Variants in INTS9 observed in about 807,000 individuals in gnomAD.
INTS9 encodes the protein integrator complex subunit 9.
INTS9 carries 55 observed loss-of-function variants against 79.7 expected under a neutral mutation model. The ratio of observed to expected loss-of-function variants is 0.69; its 90% CI spans 0.56 to 0.86. The LOEUF (loss-of-function observed/expected upper bound fraction) is 0.86. Among genes scored for constraint, INTS9 ranks in the 40% least tolerant of loss-of-function variants. The probability of loss-of-function intolerance (pLI) is 0.00; values close to 1 mark genes in which losing one functional copy is unlikely to be tolerated. For synonymous variants in INTS9, 319 were observed against 325.2 expected, an observed-to-expected ratio of 0.98 and a Z score of 0.20; for missense variants, 721 against 831.5, an observed-to-expected ratio of 0.87 and a Z score of 1.64.
In INTS9 at chr8:28,780,877, C is replaced by T; in HGVS notation, c.1216G>A (p.Val406Ile). 1 of 1,614,154 alleles carries T rather than the reference C, an allele frequency of 6.2e-7. No homozygotes were observed. Among genetic ancestry groups the T allele is most frequent in the Non-Finnish European group, 8.5e-7 (1 of 1,180,030 alleles). Residue 406 changes from valine to isoleucine, a missense_variant, in exon 12 of 17, where the codon GTC becomes ATC. Val to Ile is a conservative substitution (Grantham distance 29). Coordinates refer to ENST00000521022, the MANE Select transcript of INTS9 (RefSeq NM_018250.4). ...GHPSLRFGDVVHFMELWGKSS... is the reference protein window; with the variant it reads ...GHPSLRFGDVIHFMELWGKSS... ...TTTCCCCAGAGCTCCATGAAGTGGA[C>T]CACGTCCCCGAAGCGGAGGGAAGGG... is the stretch of plus-strand genomic sequence containing the variant.
chr8:28,853,770 CTT>C (rs533321032), intron 2 of INTS9, among the ~76,000 whole-genome samples: 1 of 145,742 alleles, frequency 6.9e-6, no homozygotes, highest in Non-Finnish European at 1.5e-5. Flanking sequence ...TACGTAATTT[CTT>C]TTTTTTTTTG....
At chr8:28,834,545 G>C (rs188926478) in intron 6 of INTS9, among the ~76,000 whole-genome samples, 406 of 152,140 alleles carry the variant, frequency 2.7e-3, no homozygotes, top group African/African-American at 9.5e-3. Context: ...CTCAACCTCT[G>C]CTATAGGAAC....
intron 6 of INTS9, among the ~76,000 whole-genome samples, chr8:28,827,828 T>G (rs1257149618): frequency 6.6e-6 from 1 of 152,210 alleles, no homozygotes; most frequent in African/African-American, 2.4e-5. Context: ...ATTTGAGGTC[T>G]TAAGTGGACT....
At chr8:28,877,652 AG>A (rs1451682188) in intron 1 of INTS9, among the ~76,000 whole-genome samples, 2 of 152,220 alleles carry the variant, frequency 1.3e-5, no homozygotes, top group Admixed American at 6.5e-5. Flanking sequence ...GTTAATTGAT[AG>A]AAGTTTGGTT....
intron 4 of INTS9, among the ~76,000 whole-genome samples, chr8:28,842,066 C>CA (rs1186961009): frequency 6.6e-6 from 1 of 151,912 alleles, no homozygotes; most frequent in Non-Finnish European, 1.5e-5. Context: ...TCACGCTGGG[C>CA]AATAAAGTGA....
chr8:28,854,095 A>G (rs1475278721), intron 2 of INTS9, among the ~76,000 whole-genome samples: 3 of 152,004 alleles, frequency 2.0e-5, no homozygotes, highest in Non-Finnish European at 4.4e-5. Context: ...TTGTGTGATC[A>G]CAGTCCACCA....
intron 6 of INTS9, among the ~76,000 whole-genome samples, chr8:28,829,002 C>T (rs998896703): frequency 5.3e-5 from 8 of 151,980 alleles, no homozygotes; most frequent in African/African-American, 9.7e-5. Flanking sequence ...TTAAGTCTTC[C>T]GTAAGGTATG....
intron 14 of INTS9, among the ~76,000 whole-genome samples, chr8:28,773,246 A>AAGGTC (rs2130854777): frequency 6.6e-6 from 1 of 152,090 alleles, no homozygotes; most frequent in East Asian, 1.9e-4. Flanking sequence ...GGTGGATCAC[A>AAGGTC]AGGTCAGGAG....
At chr8:28,779,865 G>T (rs1433622896) in intron 12 of INTS9, among the ~76,000 whole-genome samples, 1 of 152,070 alleles carries the variant, frequency 6.6e-6, no homozygotes, top group African/African-American at 2.4e-5. Context: ...TGGATTCCCA[G>T]CTCCTAAAGC....
At chr8:28,811,565 C>T (rs1057124753) in intron 8 of INTS9, among the ~76,000 whole-genome samples, 1 of 152,096 alleles carries the variant, frequency 6.6e-6, no homozygotes, top group Non-Finnish European at 1.5e-5. Context: ...GGGACCACAG[C>T]GTGTGCCACC....
At chr8:28,838,100 G>A (rs935204509) in intron 4 of INTS9, among the ~76,000 whole-genome samples, 1 of 151,910 alleles carries the variant, frequency 6.6e-6, no homozygotes, top group African/African-American at 2.4e-5. Flanking sequence ...AGTGAAACCA[G>A]GAAACTGCAA....
intron 2 of INTS9, among the ~76,000 whole-genome samples, chr8:28,854,882 G>C (rs1315517206): frequency 6.6e-6 from 1 of 152,200 alleles, no homozygotes; most frequent in Non-Finnish European, 1.5e-5. Context: ...AGAACATACA[G>C]AATTTGGTTT....
At chr8:28,808,214 G>C (rs1804918618) in intron 8 of INTS9, among the ~76,000 whole-genome samples, 1 of 134,596 alleles carries the variant, frequency 7.4e-6, no homozygotes, top group Non-Finnish European at 1.6e-5. Context: ...TTTTTTTTGA[G>C]ACGGAGTCTC....
chr8:28,823,860 T>G lies in INTS9; in HGVS notation c.489-10248A>C, dbSNP rs150523790. Among the ~76,000 whole-genome samples, 15 of 152,306 alleles carry G rather than the reference T, an allele frequency of 9.8e-5. 1 individual carries two copies. In the East Asian group the frequency reaches 2.9e-3, roughly 29 times the overall value. On this transcript the variant is annotated intron_variant, in intron 6 of 16. Transcript: ENST00000521022. ...TATACAGCCATAATAATGGAAACAC[T>G]GAATTAAGATTTAACCAGAGTAGCA...
intron 13 of INTS9, among the ~76,000 whole-genome samples, chr8:28,776,969 G>C (rs1160079736): frequency 2.0e-5 from 3 of 152,210 alleles, no homozygotes; most frequent in African/African-American, 7.2e-5. Flanking sequence ...CACGTTTGCT[G>C]TCTGCTCTCA....
At chr8:28,846,532 G>A (rs910648918) in intron 4 of INTS9, among the ~76,000 whole-genome samples, 6 of 152,058 alleles carry the variant, frequency 3.9e-5, no homozygotes, top group African/African-American at 1.2e-4. Flanking sequence ...AGAAAGAACC[G>A]GAAATAGGAA....
At chr8:28,828,289 T>C (rs192814924) in intron 6 of INTS9, among the ~76,000 whole-genome samples, 2 of 152,348 alleles carry the variant, frequency 1.3e-5, no homozygotes, top group East Asian at 1.9e-4. Context: ...AAAGGCAGTG[T>C]CTGAAAGTAA....
At chr8:28,849,730 C>T (rs1807723641) in intron 3 of INTS9, among the ~76,000 whole-genome samples, 1 of 152,080 alleles carries the variant, frequency 6.6e-6, no homozygotes, top group African/African-American at 2.4e-5. Flanking sequence ...CCTTCTGTGG[C>T]CTCTCATTAC....
At chr8:28,790,452 C>T (rs935286917) in intron 10 of INTS9, among the ~76,000 whole-genome samples, 4 of 152,254 alleles carry the variant, frequency 2.6e-5, no homozygotes, top group South Asian at 2.1e-4. Flanking sequence ...CTCAGCCTCC[C>T]GAGTAGCTGG....
Sources: gnomAD v4.1 joint callset for allele counts (sites outside exome capture counted in the v4.1 genomes callset) on GRCh38, gnomAD v4.1.1 for gene constraint, MANE v1.5 for transcripts, NCBI Gene and HGNC (gene_info 2026-07-23, HGNC 2026-07-21) for gene names.